Variants in FASTKD1 observed in about 807,000 individuals in gnomAD.
FASTKD1 encodes FAST kinase domain-containing protein 1, mitochondrial.
Under a neutral mutation model 90.9 loss-of-function variants are expected in FASTKD1, and 94 were observed. The ratio of observed to expected loss-of-function variants is 1.03; its 90% CI spans 0.88 to 1.23. The LOEUF is 1.23. Among genes scored for constraint, FASTKD1 ranks in the 50% most tolerant of loss-of-function variants. The pLI, the probability that FASTKD1 is intolerant of heterozygous loss-of-function variation, is 0.00. For missense variants in FASTKD1, 945 were observed against 993.5 expected (o/e 0.95, Z 0.66); for synonymous variants, 319 against 345.8 (o/e 0.92, Z 0.86).
At chr2:169,569,098 G>A in intron 3 of FASTKD1, 86 bp downstream of exon 3, 1 of 1,089,816 alleles carries the variant, frequency 9.2e-7, no homozygotes, top group Middle Eastern at 2.0e-4. Context: ...ACAGGCATCA[G>A]TTCCCTGTTC....
rs750225027 is a variant in FASTKD1 at position 169,557,299 on chromosome 2, T to C, written c.972-2A>G. ...ATCAATAACATAGTTGATTTAAGTC[T>C]AGAAGCAAAAAAAAAAAAGTTTTTG... On this transcript the variant is annotated splice_acceptor_variant, in intron 5 of 14. Coordinates refer to ENST00000453153, the MANE Select transcript of FASTKD1 (RefSeq NM_024622.6). LOFTEE classifies it high-confidence loss of function. 2 of 1,535,492 alleles carry C rather than the reference T, an allele frequency of 1.3e-6. No individual in the cohort carries two copies. The highest frequency in any genetic ancestry group is 2.9e-5 in the African/African-American group (2 of 69,920).
At chr2:169,560,294 A>T in intron 5 of FASTKD1, 93 bp downstream of exon 5, 1 of 940,388 alleles carries the variant, frequency 1.1e-6, no homozygotes, top group African/African-American at 1.7e-5. Flanking sequence ...TAATAGGGTG[A>T]TATTTGTACC....
At chr2:169,557,134 T>C in intron 6 of FASTKD1, 53 bp downstream of exon 6, 1 of 1,152,382 alleles carries the variant, frequency 8.7e-7, no homozygotes, top group African/African-American at 1.5e-5. Context: ...TAGAAAAAAA[T>C]AGGTGCTTGT....
Position 169,572,106 on chromosome 2 carries a change from A to G in FASTKD1, c.-77T>C, listed in dbSNP as rs1157726894. 40 of 1,495,130 alleles carry G rather than the reference A, an allele frequency of 2.7e-5. No homozygotes were observed. The highest frequency in any genetic ancestry group is 3.6e-5 in the Non-Finnish European group (40 of 1,125,660). 92.6% of individuals were successfully genotyped at this position (1,495,130 alleles called of 1,614,324 possible). On this transcript the variant is annotated 5_prime_UTR_variant, in exon 2 of 15. Coordinates refer to ENST00000453153, the MANE Select transcript of FASTKD1 (RefSeq NM_024622.6). ...GGTGCAATAAGCAGGGATACAAATA[A>G]CAGTTTTTCCTTCATGTATTTTGCT...
chr2:169,565,648 G>GT (rs964249176), intron 3 of FASTKD1, among the ~76,000 whole-genome samples: 2 of 152,138 alleles, frequency 1.3e-5, no homozygotes, highest in Non-Finnish European at 2.9e-5. Flanking sequence ...TGCAATAAAC[G>GT]TAAGAGTACA....
chr2:169,540,833 AG>A (rs1214338953), intron 9 of FASTKD1, among the ~76,000 whole-genome samples: 1 of 152,194 alleles, frequency 6.6e-6, no homozygotes, highest in Non-Finnish European at 1.5e-5. Flanking sequence ...CAGATCTCCA[AG>A]CAGAGTGTAC....
At chr2:169,537,917 T>G in intron 11 of FASTKD1, 96 bp downstream of exon 11, 1 of 1,031,992 alleles carries the variant, frequency 9.7e-7, no homozygotes, top group Non-Finnish European at 1.4e-6. Flanking sequence ...TTGGGAAGGC[T>G]CGTGTCATGT....
rs1685421942 is a variant in FASTKD1 at position 169,550,089 on chromosome 2, T to C, written c.1215-3385A>G. 2.6e-5 allele frequency among the ~76,000 whole-genome samples: 4 copies of C among 152,152 alleles called. No homozygotes were observed. The South Asian group carries it at 8.3e-4, about 32-fold the overall frequency. On this transcript the variant is annotated intron_variant, in intron 7 of 14. Transcript: ENST00000453153. Reference sequence around the variant, plus strand: ...GTTTCCCAGGCTGATCTCCAACTCTTGGGCTCAAGTGATCCTCCTGCCTCG... The same window carrying C: ...GTTTCCCAGGCTGATCTCCAACTCTCGGGCTCAAGTGATCCTCCTGCCTCG...
At chr2:169,549,356 T>C (rs1685383641) in intron 7 of FASTKD1, among the ~76,000 whole-genome samples, 1 of 151,930 alleles carries the variant, frequency 6.6e-6, no homozygotes, top group Admixed American at 6.6e-5. Context: ...TGAGCCGAGA[T>C]TGTGCCACTG....
chr2:169,541,322 T>A (rs181855058), intron 9 of FASTKD1, among the ~76,000 whole-genome samples: 1 of 152,230 alleles, frequency 6.6e-6, no homozygotes, highest in Non-Finnish European at 1.5e-5. Context: ...TTTTCTAATT[T>A]CTAAGACTCT....
Position 169,546,784 on chromosome 2 carries a change from A to G in FASTKD1, c.1215-80T>C, listed in dbSNP as rs1394028538. 23 of 1,319,856 alleles carry G rather than the reference A, an allele frequency of 1.7e-5. No homozygotes were observed. In the Admixed American group the frequency reaches 5.3e-4, roughly 31 times the overall value. 81.8% of individuals were successfully genotyped at this position (1,319,856 alleles called of 1,614,324 possible). On this transcript the variant is annotated intron_variant, in intron 7 of 14. Transcript: ENST00000453153. ...TATTAAAATATGAATACATATGAGT[A>G]CAATTAATAGGTAAGATGATGATTC...
intron 9 of FASTKD1, among the ~76,000 whole-genome samples, chr2:169,543,019 T>C (rs778366152): frequency 1.1e-4 from 16 of 152,142 alleles, no homozygotes; most frequent in Non-Finnish European, 2.4e-4. Flanking sequence ...TTACTACAAA[T>C]GCAGGAGATG....
At chr2:169,552,192 CTT>C (rs1167394107) in intron 7 of FASTKD1, among the ~76,000 whole-genome samples, 4 of 152,094 alleles carry the variant, frequency 2.6e-5, no homozygotes, top group Admixed American at 6.5e-5. Context: ...AACTCAAACA[CTT>C]TTGATATAAT....
Position 169,537,276 on chromosome 2 carries a change from T to C in FASTKD1, c.2139A>G (p.Gly713=). ...IFKMLAEVLG[G]INCVKASVLT... ...GAACCGAGGCTTTTACACAATTGAT[T>C]CCTCCTAGTACCTCTGCTAACATTT... The change falls in exon 12 of 15, where the codon GGA becomes GGG. Residue 713 remains glycine (G), a synonymous_variant. Coordinates refer to ENST00000453153, the MANE Select transcript of FASTKD1 (RefSeq NM_024622.6). 6.2e-7 allele frequency: 1 copy of C among 1,613,634 alleles called. No individual in the cohort carries two copies.
chr2:169,531,596 C>T (rs1005093527), intron 12 of FASTKD1, 106 bp from the exon 13 acceptor site: 1 of 855,004 alleles, frequency 1.2e-6, no homozygotes, highest in Non-Finnish European at 1.7e-6. Flanking sequence ...TACACACACA[C>T]ACTCACAAAA....
intron 9 of FASTKD1, among the ~76,000 whole-genome samples, chr2:169,542,514 G>A (rs1303056268): frequency 1.3e-5 from 2 of 152,202 alleles, no homozygotes; most frequent in African/African-American, 4.8e-5. Flanking sequence ...TTCTGCTAAG[G>A]CTAACAGCAG....
rs550471231 is a variant in FASTKD1 at position 169,529,517 on chromosome 2, C to T, written c.*308G>A. Among the ~76,000 whole-genome samples, 6 of 152,280 alleles carry T rather than the reference C, an allele frequency of 3.9e-5. No individual in the cohort carries two copies. The South Asian group carries it at 1.2e-3, about 32-fold the overall frequency. ...GTCTTTTCTTATCTCAACAAGGTAG[C>T]CAAAGTAACGCAGTTAAAATGTGAA... On this transcript the variant is annotated 3_prime_UTR_variant, in exon 15 of 15. Coordinates refer to ENST00000453153, the MANE Select transcript of FASTKD1 (RefSeq NM_024622.6).
rs774133887 is a variant in FASTKD1 at position 169,560,637 on chromosome 2, C to A, written c.721G>T (p.Val241Phe). The A allele has an allele frequency of 3.0e-5, 49 of 1,612,886 alleles. No individual in the cohort carries two copies. Among genetic ancestry groups the A allele is most frequent in the Non-Finnish European group, 4.2e-5 (49 of 1,179,728 alleles). ...AKSIAKFLRN[V>F]RYRYQPLLER... ...AATAGTGGTTGATAACGATATCTAA[C>A]ATTTCGAAGAAACTTTGCTATGCTT... The change falls in exon 5 of 15, where the codon GTT (valine) becomes TTT (phenylalanine). Residue 241 changes from valine (V) to phenylalanine (F), a missense_variant. Val to Phe is a conservative substitution (Grantham distance 50). Transcript: ENST00000453153.
chr2:169,569,621 C>G (rs188149232), intron 2 of FASTKD1, among the ~76,000 whole-genome samples: 1 of 152,112 alleles, frequency 6.6e-6, no homozygotes, highest in Non-Finnish European at 1.5e-5. Flanking sequence ...CAGGCTGAGG[C>G]GGGCGGATCA....
Sources: gnomAD v4.1 joint callset for allele counts (sites outside exome capture counted in the v4.1 genomes callset) on GRCh38, gnomAD v4.1.1 for gene constraint, MANE v1.5 for transcripts, NCBI Gene and HGNC (gene_info 2026-07-23, HGNC 2026-07-21) for gene names.